Variants in DEFB135 observed in about 807,000 individuals in gnomAD.
The protein encoded by DEFB135 is beta-defensin 135.
A neutral mutation model predicts 8.9 loss-of-function variants in DEFB135; 14 were observed. That is an observed-to-expected ratio of 1.58 (90% confidence interval 1.04 to 2.47). The LOEUF (loss-of-function observed/expected upper bound fraction) is 2.47, where lower values mean the gene tolerates loss of function less well. Among genes scored for constraint, DEFB135 ranks in the 30% most tolerant of loss-of-function variants. The pLI is 0.00. For missense variants in DEFB135, 135 were observed against 94.2 expected (o/e 1.43, Z -1.79); for synonymous variants, 51 against 34.5 (o/e 1.48, Z -1.67).
Position 11,984,578 on chromosome 8 carries a change from G to C in DEFB135, c.222G>C (p.Leu74=). 6.7e-7 allele frequency: 1 copy of C among 1,500,826 alleles called. No homozygotes were observed. Among genetic ancestry groups the C allele is most frequent in the African/African-American group, 1.4e-5 (1 of 72,050 alleles). 93.0% of individuals were successfully genotyped at this position (1,500,826 alleles called of 1,614,324 possible). Residue 74 remains leucine, a synonymous_variant, in exon 2 of 2, where the codon CTG becomes CTC. Coordinates refer to ENST00000382208, the MANE Select transcript of DEFB135 (RefSeq NM_001033017.3). ...CCVNPKYLPI[L]TGK is the part of the protein sequence containing the mutation. ...TAAACCCAAAATATTTACCTATACT[G>C]ACTGGGAAATAGTTGTGAGTACCTG...
Position 11,984,583 on chromosome 8 carries a change from G to A in DEFB135, c.227G>A (p.Gly76Glu), listed in dbSNP as rs1407043680. 3 of 1,489,870 alleles carry A rather than the reference G, an allele frequency of 2.0e-6. No individual in the cohort carries two copies. Among genetic ancestry groups the A allele is most frequent in the African/African-American group, 1.4e-5 (1 of 71,718 alleles). 92.3% of individuals were successfully genotyped at this position (1,489,870 alleles called of 1,614,324 possible). Reference protein sequence around the residue: ...VNPKYLPILTGK With the variant: ...VNPKYLPILTEK ...CCAAAATATTTACCTATACTGACTG[G>A]GAAATAGTTGTGAGTACCTGAAAGC... The change falls in exon 2 of 2, where the codon GGG (glycine) becomes GAG (glutamate). Residue 76 changes from glycine to glutamate, a missense_variant. Physicochemically the swap from Gly to Glu is moderately conservative, Grantham distance 98. Coordinates refer to ENST00000382208, the MANE Select transcript of DEFB135 (RefSeq NM_001033017.3).
At chr8:11,984,225 C>T (rs773808902) in intron 1 of DEFB135, among the ~76,000 whole-genome samples, 196 bp from the exon 2 acceptor site, 1 of 152,106 alleles carries the variant, frequency 6.6e-6, no homozygotes, top group Non-Finnish European at 1.5e-5. Flanking sequence ...CATATAATGG[C>T]TTATAATAGG....
chr8:11,982,598 G>C (rs1156360442), intron 1 of DEFB135, among the ~76,000 whole-genome samples: 1 of 152,200 alleles, frequency 6.6e-6, no homozygotes, highest in Non-Finnish European at 1.5e-5. Context: ...AAAGAAACTG[G>C]TTATGGATTT....
At chr8:11,983,132 G>A (rs1273709395) in intron 1 of DEFB135, among the ~76,000 whole-genome samples, 1 of 152,166 alleles carries the variant, frequency 6.6e-6, no homozygotes, top group Non-Finnish European at 1.5e-5. Context: ...GGTGGCTCAC[G>A]CCTGCAATCT....
At chr8:11,983,467 C>G (rs552583197) in intron 1 of DEFB135, among the ~76,000 whole-genome samples, 2 of 152,134 alleles carry the variant, frequency 1.3e-5, no homozygotes, top group Non-Finnish European at 2.9e-5. Flanking sequence ...TGGCTGATGT[C>G]CTGCATGGTG....
In DEFB135 at chr8:11,984,590, G is replaced by T; in HGVS notation, c.234G>T (p.Ter78TyrextTer?). The change falls in exon 2 of 2, where the codon TAG becomes TAT. Residue 78 changes from the stop codon to tyrosine, a stop_lost. Coordinates refer to ENST00000382208, the MANE Select transcript of DEFB135 (RefSeq NM_001033017.3). ...PKYLPILTGK[*>Y] ...ATTTACCTATACTGACTGGGAAATA[G>T]TTGTGAGTACCTGAAAGCTGTTGCT... is the stretch of plus-strand genomic sequence containing the variant. The T allele has an allele frequency of 6.7e-7, 1 of 1,486,114 alleles. No homozygotes were observed. Among genetic ancestry groups the T allele is most frequent in the Non-Finnish European group, 9.1e-7 (1 of 1,102,472 alleles). The allele number at this position is 1,486,114 out of a possible 1,614,324, so 92.1% of individuals were successfully genotyped here.
rs760207783 is a variant in DEFB135, at chr8:11,984,416, G to C, written c.65-5G>C. ...CTGTGCATTAACCTTTGTTTCTCTTGGCAGGTAGAAGTGGACCCAATGTCT... is the reference window on the plus strand; with the variant it reads ...CTGTGCATTAACCTTTGTTTCTCTTCGCAGGTAGAAGTGGACCCAATGTCT... On this transcript the variant is annotated splice_polypyrimidine_tract_variant and splice_region_variant and intron_variant, in intron 1 of 1. Transcript: ENST00000382208. 26 of 1,523,142 alleles carry C rather than the reference G, an allele frequency of 1.7e-5. No homozygotes were observed. The highest frequency in any genetic ancestry group is 2.6e-5 in the South Asian group (2 of 78,356). The allele number at this position is 1,523,142 out of a possible 1,614,324, so 94.4% of individuals were successfully genotyped here.
intron 1 of DEFB135, among the ~76,000 whole-genome samples, chr8:11,983,008 G>T (rs527977352): frequency 1.1e-4 from 16 of 152,264 alleles, no homozygotes; most frequent in Admixed American, 9.8e-4. Flanking sequence ...TTTGCTTGTG[G>T]TTTTCTGGGG....
intron 1 of DEFB135, 58 bp downstream of exon 1, chr8:11,982,442 G>T: frequency 6.3e-7 from 1 of 1,594,680 alleles, no homozygotes; most frequent in Non-Finnish European, 8.6e-7. Flanking sequence ...AAAGGTGTGA[G>T]GTTCTACAAG....
In DEFB135 at chr8:11,984,364, T is replaced by G. The variant is rs183761871; in HGVS notation, c.65-57T>G. The G allele has an allele frequency of 5.4e-6, 7 of 1,307,394 alleles. No homozygotes were observed. In the Admixed American group the frequency reaches 1.9e-4, roughly 36 times the overall value. The allele number at this position is 1,307,394 out of a possible 1,614,324, so 81.0% of individuals were successfully genotyped here. On this transcript the variant is annotated intron_variant, in intron 1 of 1. Transcript: ENST00000382208. ...ATGGTCTGAGGTCTAATTTTATCCATGACAACATGACACTTCAGGACACTA... is the reference window on the plus strand; with the variant it reads ...ATGGTCTGAGGTCTAATTTTATCCAGGACAACATGACACTTCAGGACACTA...
In DEFB135 at chr8:11,982,386, T is replaced by C. The variant is rs774081729; in HGVS notation, c.64+2T>C. ...ACTTACTCTTCTATGTTCCACCAGG[T>C]AAAATGGAGTCCCCACCTTGTAGAA... On this transcript the variant is annotated splice_donor_variant, in intron 1 of 1. Transcript: ENST00000382208. LOFTEE classifies it high-confidence loss of function. 8.1e-6 allele frequency: 13 copies of C among 1,613,680 alleles called. No homozygotes were observed. The highest frequency in any genetic ancestry group is 5.3e-5 in the African/African-American group (4 of 74,782).
chr8:11,984,482 TA>T lies in DEFB135; in HGVS notation c.127del (p.Thr43LeufsTer7), dbSNP rs780188719. On this transcript the variant is annotated frameshift_variant, in exon 2 of 2. Coordinates refer to ENST00000382208, the MANE Select transcript of DEFB135 (RefSeq NM_001033017.3). LOFTEE classifies it high-confidence loss of function. ...IFASCWRLQG[T>X]CRPKCLKNEQ... is the part of the protein sequence containing the mutation. Reference sequence around the variant, plus strand: ...TTGCTTCATGTTGGCGACTGCAAGGTACTTGCCGGCCAAAATGTCTAAAAAA... The same window carrying T: ...TTGCTTCATGTTGGCGACTGCAAGGTCTTGCCGGCCAAAATGTCTAAAAAA... 7.6e-6 allele frequency: 12 copies of T among 1,585,240 alleles called. No homozygotes were observed. The African/African-American group carries it at 1.3e-4, about 18-fold the overall frequency.
chr8:11,984,571 C>G lies in DEFB135; in HGVS notation c.215C>G (p.Pro72Arg), dbSNP rs776161555. Residue 72 changes from proline to arginine, a missense_variant, in exon 2 of 2, where the codon CCT becomes CGT. Transcript: ENST00000382208. ...TGCTGTGTAAACCCAAAATATTTAC[C>G]TATACTGACTGGGAAATAGTTGTGA... ...HLCCVNPKYL[P>R]ILTGK is the part of the protein sequence containing the mutation. 1.3e-6 allele frequency: 2 copies of G among 1,505,812 alleles called. No individual in the cohort carries two copies. Among genetic ancestry groups the G allele is most frequent in the Admixed American group, 1.9e-5 (1 of 51,764 alleles). 93.3% of individuals were successfully genotyped at this position (1,505,812 alleles called of 1,614,324 possible).
chr8:11,982,995 T>G (rs1799770293), intron 1 of DEFB135, among the ~76,000 whole-genome samples: 1 of 152,196 alleles, frequency 6.6e-6, no homozygotes, highest in African/African-American at 2.4e-5. Flanking sequence ...TTCTCAAAAC[T>G]GTTTTGCTTG....
intron 1 of DEFB135, among the ~76,000 whole-genome samples, chr8:11,982,749 GA>G (rs1303463780): frequency 6.6e-6 from 1 of 152,180 alleles, no homozygotes; most frequent in African/African-American, 2.4e-5. Context: ...AGGGCTCTTA[GA>G]ACTTGCCTTC....
chr8:11,984,351 C>CT, intron 1 of DEFB135, 70 bp from the exon 2 acceptor site: 1 of 1,242,298 alleles, frequency 8.0e-7, no homozygotes, highest in Non-Finnish European at 1.1e-6. Context: ...GGTCTGAGGT[C>CT]TAATTTTATC....
intron 1 of DEFB135, among the ~76,000 whole-genome samples, chr8:11,982,785 T>G (rs1799762413): frequency 6.6e-6 from 1 of 152,214 alleles, no homozygotes. Context: ...CATGTTATTT[T>G]TCACTCATTT....
At position 11,982,379 on chromosome 8, in the gene DEFB135, CA is replaced by C. The variant is rs781737715; in HGVS notation, c.60del (p.Pro21GlnfsTer29). The C allele has an allele frequency of 2.5e-6, 4 of 1,613,964 alleles. No individual in the cohort carries two copies. Among genetic ancestry groups the C allele is most frequent in the African/African-American group, 2.7e-5 (2 of 74,888 alleles). On this transcript the variant is annotated frameshift_variant, in exon 1 of 2. Coordinates refer to ENST00000382208, the MANE Select transcript of DEFB135 (RefSeq NM_001033017.3). LOFTEE classifies it high-confidence loss of function. Reference sequence around the variant, plus strand: ...GTCCTTAACTTACTCTTCTATGTTCCACCAGGTAAAATGGAGTCCCCACCTT... The same window carrying C: ...GTCCTTAACTTACTCTTCTATGTTCCCCAGGTAAAATGGAGTCCCCACCTT... ...LVVLNLLFYV[P>X]PGRSGPNVYI... is the part of the protein sequence containing the mutation.
chr8:11,982,521 G>A (rs1799755125), intron 1 of DEFB135, 137 bp downstream of exon 1: 1 of 879,506 alleles, frequency 1.1e-6, no homozygotes, highest in Non-Finnish European at 1.8e-6. Flanking sequence ...AGATGGACAT[G>A]CTGGGCTGGT....
Sources: allele counts gnomAD v4.1 joint callset (sites outside exome capture counted in the v4.1 genomes callset), GRCh38; gene constraint gnomAD v4.1.1; transcripts MANE v1.5; gene names NCBI Gene and HGNC (gene_info 2026-07-23, HGNC 2026-07-21).